The following TPRG1 variants were observed in gnomAD, a reference collection of about 807,000 sequenced individuals.
TPRG1 encodes the protein tumor protein p63 regulated 1.
Under a neutral mutation model 29.3 loss-of-function variants are expected in TPRG1, and 29 were observed. The observed-to-expected ratio is 0.99, with a 90% CI of 0.74 to 1.35. The LOEUF (loss-of-function observed/expected upper bound fraction) is 1.35, where lower values mean the gene tolerates loss of function less well. TPRG1 is among the 40% of genes most tolerant of loss of function. The pLI, the probability that TPRG1 is intolerant of heterozygous loss-of-function variation, is 0.00. For missense variants in TPRG1, 327 were observed against 335.0 expected, an observed-to-expected ratio of 0.98 and a Z score of 0.19; for synonymous variants, 130 against 116.8, an observed-to-expected ratio of 1.11 and a Z score of -0.73.
At chr3:189,276,054 A>T (rs1328493091) in intron 4 of TPRG1, among the ~76,000 whole-genome samples, 1 of 152,176 alleles carries the variant, frequency 6.6e-6, no homozygotes, top group Non-Finnish European at 1.5e-5. Context: ...ATGCAAAAAA[A>T]ATGAGAAGTG....
chr3:189,169,260 G>A (rs1194499775), upstream of TPRG1, among the ~76,000 whole-genome samples: 1 of 152,182 alleles, frequency 6.6e-6, no homozygotes, highest in Non-Finnish European at 1.5e-5. Context: ...CGCCTCCTGG[G>A]CTTAAGCGAT....
intron 5 of TPRG1, among the ~76,000 whole-genome samples, chr3:189,164,202 A>G (rs914994195): frequency 6.6e-6 from 1 of 151,820 alleles, no homozygotes; most frequent in East Asian, 1.9e-4. Flanking sequence ...TCACTCTGTC[A>G]CCCAGGCTGG....
At chr3:189,091,298 T>G (rs759149069) in intron 4 of TPRG1, among the ~76,000 whole-genome samples, 11 of 152,206 alleles carry the variant, frequency 7.2e-5, no homozygotes, top group Non-Finnish European at 1.5e-4. Context: ...AGATGCATTT[T>G]GAAATCAACT....
Position 189,309,485 on chromosome 3 carries a change from C to T in TPRG1, c.480-901C>T, listed in dbSNP as rs1235366777. Among the ~76,000 whole-genome samples, 6 of 152,096 alleles carry T rather than the reference C, an allele frequency of 3.9e-5. 1 individual carries two copies. Among genetic ancestry groups the T allele is most frequent in the Admixed American group, 3.3e-4 (5 of 15,270 alleles). ...TTAGAATTACAGGCAACTTAGTTTC[C>T]AAGCTTGTCGAATGCAGGGCACCTG... On this transcript the variant is annotated intron_variant, in intron 4 of 5. Transcript: ENST00000345063.
intron 3 of TPRG1, among the ~76,000 whole-genome samples, chr3:189,021,360 C>T (rs1337712089): frequency 1.6e-4 from 25 of 151,714 alleles, no homozygotes; most frequent in African/African-American, 3.9e-4. Context: ...GATTTTGCAG[C>T]GGCTGGTACC....
intron 3 of TPRG1, among the ~76,000 whole-genome samples, chr3:189,142,559 C>A (rs191079686): frequency 7.0e-4 from 107 of 152,278 alleles, no homozygotes; most frequent in African/African-American, 2.5e-3. Context: ...TTCTCTGATT[C>A]TTGTTGTAGT....
At chr3:189,079,931 T>C (rs914596245) in intron 4 of TPRG1, among the ~76,000 whole-genome samples, 1 of 152,200 alleles carries the variant, frequency 6.6e-6, no homozygotes, top group Admixed American at 6.5e-5. Flanking sequence ...GCCATCAAGA[T>C]AATAAATGCT....
At chr3:189,028,765 T>C (rs1217598585) in intron 4 of TPRG1, among the ~76,000 whole-genome samples, 1 of 152,314 alleles carries the variant, frequency 6.6e-6, no homozygotes, top group East Asian at 1.9e-4. Flanking sequence ...GTAGTTAGCA[T>C]GGTCATTTGT....
chr3:189,167,885 G>T (rs1390046933), upstream of TPRG1, among the ~76,000 whole-genome samples: 1 of 152,164 alleles, frequency 6.6e-6, no homozygotes, highest in East Asian at 1.9e-4. Flanking sequence ...TTTTGCAAAG[G>T]AGAAAGAGAG....
Position 189,214,492 on chromosome 3 carries a change from C to T in TPRG1, c.211-800C>T, listed in dbSNP as rs1027036699. Among the ~76,000 whole-genome samples the T allele has an allele frequency of 3.4e-4, 51 of 152,150 alleles. 3 individuals carry two copies. Among genetic ancestry groups the T allele is most frequent in the Non-Finnish European group, 1.5e-5 (1 of 68,012 alleles). ...CCCCTCCAGAGTCATCTATTCCTGC[C>T]AGTGGGGTCACTGGAGGTGACTGAC... On this transcript the variant is annotated intron_variant, in intron 2 of 5. Coordinates refer to ENST00000345063, the MANE Select transcript of TPRG1 (RefSeq NM_198485.4).
At chr3:189,258,844 G>A (rs6804227) in intron 4 of TPRG1, among the ~76,000 whole-genome samples, 8,679 of 152,158 alleles carry the variant, frequency 0.057, 258 homozygotes, top group East Asian at 0.085. Context: ...AATGGTGGAC[G>A]CCCCTCCCCC....
chr3:189,005,019 A>G (rs867823771), intron 3 of TPRG1, among the ~76,000 whole-genome samples: 2 of 152,114 alleles, frequency 1.3e-5, no homozygotes, highest in Non-Finnish European at 2.9e-5. Flanking sequence ...GACAAGCATC[A>G]CATGTTCTCA....
chr3:189,316,938 T>G (rs1723635639), intron 5 of TPRG1, among the ~76,000 whole-genome samples: 3 of 152,294 alleles, frequency 2.0e-5, no homozygotes, highest in South Asian at 4.1e-4. Flanking sequence ...TTCAATGCAC[T>G]GCTTGTCACC....
At chr3:189,167,654 G>C (rs1453551333), upstream of TPRG1, among the ~76,000 whole-genome samples, 1 of 152,202 alleles carries the variant, frequency 6.6e-6, no homozygotes, top group Non-Finnish European at 1.5e-5. Context: ...CGAGTTGCAT[G>C]CCCATGAAGC....
chr3:189,310,850 T>C (rs1722373706), intron 5 of TPRG1, among the ~76,000 whole-genome samples: 1 of 152,134 alleles, frequency 6.6e-6, no homozygotes, highest in Non-Finnish European at 1.5e-5. Context: ...ATTCTAATTA[T>C]TTTATTCATG....
At chr3:189,286,545 C>G (rs1409883358) in intron 4 of TPRG1, among the ~76,000 whole-genome samples, 1 of 152,074 alleles carries the variant, frequency 6.6e-6, no homozygotes, top group African/African-American at 2.4e-5. Flanking sequence ...AGATATCTCT[C>G]TCAAGCAGGA....
At chr3:189,031,688 T>C (rs1713942296) in intron 4 of TPRG1, among the ~76,000 whole-genome samples, 1 of 152,196 alleles carries the variant, frequency 6.6e-6, no homozygotes, top group South Asian at 2.1e-4. Flanking sequence ...CAGTGTTCTT[T>C]AATGAGACGG....
chr3:189,234,374 A>C (rs1390437311), intron 3 of TPRG1, among the ~76,000 whole-genome samples: 1 of 152,252 alleles, frequency 6.6e-6, no homozygotes, highest in Non-Finnish European at 1.5e-5. Flanking sequence ...AAGCATAAAA[A>C]GTAATAAAAG....
chr3:188,998,478 A>G (rs1560385469), intron 1 of TPRG1, among the ~76,000 whole-genome samples: 1 of 152,244 alleles, frequency 6.6e-6, no homozygotes. Context: ...ACAGCATGCT[A>G]GAGTTTTGTG....
Sources: gnomAD v4.1 joint callset for allele counts (sites outside exome capture counted in the v4.1 genomes callset) on GRCh38, gnomAD v4.1.1 for gene constraint, MANE v1.5 for transcripts, NCBI Gene and HGNC (gene_info 2026-07-23, HGNC 2026-07-21) for gene names.